VAV1: variants seen among roughly 807,000 people sequenced by gnomAD.
The protein encoded by VAV1 is proto-oncogene vav.
In VAV1, 33 loss-of-function variants were observed where a neutral mutation model predicts 128.1. That is an observed-to-expected ratio of 0.26 (90% confidence interval 0.20 to 0.34). The LOEUF (loss-of-function observed/expected upper bound fraction) is 0.34. Among genes scored for constraint, VAV1 ranks in the 10% least tolerant of loss-of-function variants. The pLI, the probability that VAV1 is intolerant of heterozygous loss-of-function variation, is 1.00. For missense variants in VAV1, 715 were observed against 1,093.7 expected (o/e 0.65, Z 4.88); for synonymous variants, 394 against 409.8 (o/e 0.96, Z 0.47).
rs112350637 is a variant in VAV1 at position 6,837,050 on chromosome 19, T to C, written c.1980T>C (p.His660=). 14,195 of 1,614,004 alleles carry C rather than the reference T, an allele frequency of 8.8e-3. 75 individuals carry two copies. The highest frequency in any genetic ancestry group is 0.01 in the Non-Finnish European group (11,898 of 1,179,902). The change falls in exon 21 of 27, where the codon CAT becomes CAC. Residue 660 remains histidine (H), a splice_region_variant and synonymous_variant. Coordinates refer to ENST00000602142, the MANE Select transcript of VAV1 (RefSeq NM_005428.4). ...GTAACAGGGTGAAGCCCTATGTCCA[T>C]GTGAGTGCCTCAAGTCTGAATGGAA... ...FPCNRVKPYV[H]GPPQDLSVHL...
intron 1 of VAV1, among the ~76,000 whole-genome samples, chr19:6,806,821 T>G (rs1401318686): frequency 3.3e-5 from 5 of 152,242 alleles, no homozygotes; most frequent in Admixed American, 6.5e-5. Context: ...TATGGATGTG[T>G]GCATAATTAG....
In VAV1 at chr19:6,850,720, A is replaced by G. The variant is rs1599683422; in HGVS notation, c.2180A>G (p.Tyr727Cys). Residue 727 changes from tyrosine (Y) to cysteine (C), a missense_variant, in exon 24 of 27, where the codon TAC (tyrosine) becomes TGC (cysteine). Physicochemically the swap from Tyr to Cys is radical, Grantham distance 194. This residue lies in a region of VAV1 where 407 missense variants were observed against 580.6 expected (regional missense o/e 0.70). Coordinates refer to ENST00000602142, the MANE Select transcript of VAV1 (RefSeq NM_005428.4). Reference protein sequence around the residue: ...HIKIMTAEGLYRITEKKAFRG... With the variant: ...HIKIMTAEGLCRITEKKAFRG... ...AAAATCATGACAGCAGAAGGACTGT[A>G]CCGGATCACAGAGAAAAAGGCTTTC... 6.2e-7 allele frequency: 1 copy of G among 1,614,128 alleles called. No homozygotes were observed. The highest frequency in any genetic ancestry group is 8.5e-7 in the Non-Finnish European group (1 of 1,180,018).
intron 19 of VAV1, chr19:6,835,667 G>A (rs930673160): frequency 2.6e-5 from 4 of 152,194 alleles, no homozygotes; most frequent in Non-Finnish European, 4.4e-5. Flanking sequence ...TTTATCTGAC[G>A]TAATGACGGT....
At chr19:6,815,795 C>T (rs543009613) in intron 1 of VAV1, among the ~76,000 whole-genome samples, 1 of 151,968 alleles carries the variant, frequency 6.6e-6, no homozygotes, top group Non-Finnish European at 1.5e-5. Flanking sequence ...GGGAGGAGTC[C>T]ATGTTATCTC....
chr19:6,856,926 T>C (rs1972818917), intron 26 of VAV1, 128 bp from the exon 27 acceptor site: 1 of 755,398 alleles, frequency 1.3e-6, no homozygotes, highest in Admixed American at 2.2e-5. Flanking sequence ...GGTGATGTGT[T>C]TTCTGGGATA....
chr19:6,838,295 TTATC>T (rs57869416), intron 21 of VAV1, among the ~76,000 whole-genome samples: 67,064 of 145,410 alleles, frequency 0.46, 16,702 homozygotes, highest in South Asian at 0.6. Context: ...CATCTACATA[TTATC>T]TATCTATCTA....
chr19:6,798,153 T>G (rs1971182444), intron 1 of VAV1, among the ~76,000 whole-genome samples: 1 of 151,960 alleles, frequency 6.6e-6, no homozygotes, highest in Admixed American at 6.6e-5. Flanking sequence ...GGCACGCACC[T>G]ATAATCCCAG....
chr19:6,781,223 T>C (rs1221056627), intron 1 of VAV1, among the ~76,000 whole-genome samples: 1 of 152,184 alleles, frequency 6.6e-6, no homozygotes, highest in East Asian at 1.9e-4. Flanking sequence ...GTTTTTATTT[T>C]TCAAATTTTA....
intron 1 of VAV1, among the ~76,000 whole-genome samples, chr19:6,818,521 T>C (rs1971712250): frequency 6.6e-6 from 1 of 152,200 alleles, no homozygotes; most frequent in African/African-American, 2.4e-5. Context: ...CTGTTCTCTC[T>C]TCTTGGAATA....
chr19:6,803,552 C>T (rs528822603), intron 1 of VAV1, among the ~76,000 whole-genome samples: 1 of 152,210 alleles, frequency 6.6e-6, no homozygotes, highest in Admixed American at 6.6e-5. Flanking sequence ...TGTGGTGCAT[C>T]CAGACAATGG....
rs539944688 is a variant in VAV1, at chr19:6,804,613, C to T, written c.205-16089C>T. Among the ~76,000 whole-genome samples, 7 of 151,834 alleles carry T rather than the reference C, an allele frequency of 4.6e-5. No individual in the cohort carries two copies. The East Asian group carries it at 7.8e-4, about 17-fold the overall frequency. On this transcript the variant is annotated intron_variant, in intron 1 of 26. Coordinates refer to ENST00000602142, the MANE Select transcript of VAV1 (RefSeq NM_005428.4). ...TGTATTTTTAGTAGAGATGAGGTTT[C>T]GCCATGTTGGCCAGGCTGGTCTCAA... is the stretch of plus-strand genomic sequence containing the variant.
At chr19:6,816,981 G>A (rs193261739) in intron 1 of VAV1, among the ~76,000 whole-genome samples, 1 of 152,108 alleles carries the variant, frequency 6.6e-6, no homozygotes, top group East Asian at 1.9e-4. Flanking sequence ...TATAAACACT[G>A]ACAGTGTGGT....
intron 1 of VAV1, among the ~76,000 whole-genome samples, chr19:6,799,921 T>C (rs1316228412): frequency 1.3e-5 from 2 of 151,640 alleles, no homozygotes; most frequent in Admixed American, 1.3e-4. Context: ...CAAGTCTTTG[T>C]ATGGACATGT....
At chr19:6,798,768 C>T (rs1971198400) in intron 1 of VAV1, among the ~76,000 whole-genome samples, 2 of 152,136 alleles carry the variant, frequency 1.3e-5, no homozygotes, top group Non-Finnish European at 2.9e-5. Context: ...ACCCTAGCCT[C>T]CTGAGTAGCT....
At chr19:6,799,614 C>T (rs1419128910) in intron 1 of VAV1, among the ~76,000 whole-genome samples, 2 of 152,052 alleles carry the variant, frequency 1.3e-5, no homozygotes, top group African/African-American at 4.8e-5. Flanking sequence ...CCCCCAGCCC[C>T]CGACAGGCCC....
intron 1 of VAV1, among the ~76,000 whole-genome samples, chr19:6,798,015 C>A (rs186759139): frequency 1.4e-4 from 21 of 151,768 alleles, no homozygotes; most frequent in Non-Finnish European, 2.8e-4. Flanking sequence ...CGGTGGCTCA[C>A]GCTGTAATCC....
chr19:6,848,415 TTTTC>T (rs201872764), intron 23 of VAV1, among the ~76,000 whole-genome samples: 10 of 139,144 alleles, frequency 7.2e-5, no homozygotes, highest in African/African-American at 2.9e-5. Context: ...TTTTCTTTTC[TTTTC>T]TTTTTTTTTC....
At chr19:6,852,879 G>A (rs532368390) in intron 24 of VAV1, 86 bp from the exon 25 acceptor site, 6 of 1,038,834 alleles carry the variant, frequency 5.8e-6, no homozygotes, top group African/African-American at 1.6e-5. Context: ...TGCTTCATGT[G>A]AGGAGTTGCA....
At position 6,848,056 on chromosome 19, in the gene VAV1, G is replaced by A. The variant is rs759398960; in HGVS notation, c.2071G>A (p.Gly691Arg). ...GAGCATCCTGGCCAACCGCTCGGAC[G>A]GGACTTTCTTGGTGCGGCAGAGGGT... ...AESILANRSDGTFLVRQRVKD... is the reference protein window; with the variant it reads ...AESILANRSDRTFLVRQRVKD... The change falls in exon 23 of 27, where the codon GGG becomes AGG. Residue 691 changes from glycine to arginine, a missense_variant. Physicochemically the swap from Gly to Arg is moderately radical, Grantham distance 125 (BLOSUM62 -2). Around this residue, in one of 3 missense-constraint regions of VAV1, gnomAD observed 407 missense variants for 580.6 expected, o/e 0.70. Coordinates refer to ENST00000602142, the MANE Select transcript of VAV1 (RefSeq NM_005428.4). 4.5e-6 allele frequency: 7 copies of A among 1,543,252 alleles called. No homozygotes were observed. The highest frequency in any genetic ancestry group is 5.2e-5 in the East Asian group (2 of 38,410).
Sources: allele counts gnomAD v4.1 joint callset (sites outside exome capture counted in the v4.1 genomes callset), GRCh38; gene constraint gnomAD v4.1.1; regional missense constraint gnomAD v4.1.1; transcripts MANE v1.5; gene names NCBI Gene and HGNC (gene_info 2026-07-23, HGNC 2026-07-21).